CDKAL1: variants seen among roughly 807,000 people sequenced by gnomAD.
CDKAL1 encodes the protein CDKAL1 threonylcarbamoyladenosine tRNA methylthiotransferase.
Under a neutral mutation model 68.2 loss-of-function variants are expected in CDKAL1, and 32 were observed. The ratio of observed to expected loss-of-function variants is 0.47; its 90% confidence interval spans 0.35 to 0.63. CDKAL1 has a LOEUF of 0.63. CDKAL1 is among the 30% of genes least tolerant of loss of function. The pLI, the probability that CDKAL1 is intolerant of heterozygous loss-of-function variation, is 0.00. For synonymous variants in CDKAL1, 234 were observed against 244.3 expected, an observed-to-expected ratio of 0.96 and a Z score of 0.39; for missense variants, 606 against 696.7, an observed-to-expected ratio of 0.87 and a Z score of 1.47.
chr6:20,693,156 A>G (rs1377233175), intron 5 of CDKAL1, among the ~76,000 whole-genome samples: 1 of 143,426 alleles, frequency 7.0e-6, no homozygotes, highest in Non-Finnish European at 1.5e-5. Flanking sequence ...AAAAAAAAAA[A>G]AGACAGTTGG....
At chr6:20,942,215 A>G (rs1764002782) in intron 9 of CDKAL1, among the ~76,000 whole-genome samples, 2 of 152,132 alleles carry the variant, frequency 1.3e-5, no homozygotes, top group Admixed American at 1.3e-4. Flanking sequence ...TCTACGTTCA[A>G]ATAATATTTT....
At chr6:20,848,332 G>C (rs1262266235) in intron 9 of CDKAL1, among the ~76,000 whole-genome samples, 4 of 149,928 alleles carry the variant, frequency 2.7e-5, no homozygotes, top group Non-Finnish European at 5.9e-5. Context: ...ATTGGCCTTA[G>C]GTTCCCTGCC....
At chr6:20,833,396 TAAAC>T (rs1364786280) in intron 8 of CDKAL1, among the ~76,000 whole-genome samples, 1 of 152,146 alleles carries the variant, frequency 6.6e-6, no homozygotes, top group Non-Finnish European at 1.5e-5. Flanking sequence ...AACTTGCTCT[TAAAC>T]AAACCATCCT....
At chr6:20,881,873 A>G (rs1269086860) in intron 9 of CDKAL1, among the ~76,000 whole-genome samples, 1 of 152,172 alleles carries the variant, frequency 6.6e-6, no homozygotes, top group African/African-American at 2.4e-5. Context: ...CACTGCTGCA[A>G]TCAAGATACA....
intron 8 of CDKAL1, among the ~76,000 whole-genome samples, chr6:20,827,019 A>G (rs1224664852): frequency 4.6e-5 from 7 of 152,172 alleles, no homozygotes; most frequent in Non-Finnish European, 2.9e-5. Context: ...CATAGTTAAA[A>G]ACAAACAAAA....
intron 11 of CDKAL1, among the ~76,000 whole-genome samples, chr6:21,004,915 T>C (rs79915874): frequency 0.18 from 26,911 of 152,164 alleles, 2,723 homozygotes; most frequent in Admixed American, 0.25. Context: ...TGAGCTATGA[T>C]CATGCTGCTG....
intron 8 of CDKAL1, among the ~76,000 whole-genome samples, chr6:20,830,765 G>T (rs1488422008): frequency 3.9e-5 from 6 of 152,056 alleles, no homozygotes; most frequent in African/African-American, 1.4e-4. Flanking sequence ...GTTGTCTTTG[G>T]CAAGGAAAAG....
intron 15 of CDKAL1, among the ~76,000 whole-genome samples, chr6:21,205,864 T>TCG (rs1264986296): frequency 8.9e-5 from 10 of 112,728 alleles, no homozygotes; most frequent in Admixed American, 4.2e-4. Flanking sequence ...AGACAGAGTC[T>TCG]TGCTCTGTCG....
chr6:20,988,098 T>A (rs1766574680), intron 10 of CDKAL1, among the ~76,000 whole-genome samples: 1 of 152,068 alleles, frequency 6.6e-6, no homozygotes, highest in South Asian at 2.1e-4. Context: ...CATATCATTT[T>A]AAACATCTCT....
At chr6:21,136,995 G>T (rs552601667) in intron 13 of CDKAL1, among the ~76,000 whole-genome samples, 1 of 151,982 alleles carries the variant, frequency 6.6e-6, no homozygotes, top group Non-Finnish European at 1.5e-5. Flanking sequence ...TGACAGCCCC[G>T]ACCAGCGTCT....
At chr6:20,903,704 G>A in intron 9 of CDKAL1, among the ~76,000 whole-genome samples, 1 of 152,312 alleles carries the variant, frequency 6.6e-6, no homozygotes, top group Non-Finnish European at 1.5e-5. Flanking sequence ...TGAAGCCCAT[G>A]TGCATTTGTA....
chr6:21,105,614 C>T (rs1389972898), intron 12 of CDKAL1, among the ~76,000 whole-genome samples: 3 of 152,082 alleles, frequency 2.0e-5, no homozygotes, highest in East Asian at 3.9e-4. Flanking sequence ...CGGGGGTATG[C>T]GGCATTGGGG....
chr6:20,990,577 G>T (rs57793788), intron 10 of CDKAL1, among the ~76,000 whole-genome samples: 6,708 of 152,306 alleles, frequency 0.044, 475 homozygotes, highest in African/African-American at 0.15. Flanking sequence ...ATTAGAATCT[G>T]TTCACAATAT....
intron 8 of CDKAL1, among the ~76,000 whole-genome samples, chr6:20,837,937 T>TGTGTG (rs1778015258): frequency 1.1e-4 from 13 of 123,176 alleles, no homozygotes; most frequent in Non-Finnish European, 1.9e-4. Flanking sequence ...TGGGAAGAAA[T>TGTGTG]TGTGTGTGTG....
intron 4 of CDKAL1, among the ~76,000 whole-genome samples, chr6:20,614,449 T>A (rs9348439): frequency 0.28 from 42,646 of 152,042 alleles, 6,507 homozygotes; most frequent in East Asian, 0.53. Flanking sequence ...TTTCTCCTGA[T>A]ACCATTTATT....
chr6:20,737,583 A>AACATCATTAGCCATTT (rs1245366419), intron 5 of CDKAL1, among the ~76,000 whole-genome samples: 2 of 151,450 alleles, frequency 1.3e-5, no homozygotes, highest in African/African-American at 4.8e-5. Context: ...GTCTTTGTAT[A>AACATCATTAGCCATTT]CATGGCTAAT....
intron 6 of CDKAL1, among the ~76,000 whole-genome samples, chr6:20,740,577 A>T (rs930135247): frequency 6.6e-6 from 1 of 152,214 alleles, no homozygotes; most frequent in Non-Finnish European, 1.5e-5. Context: ...ATGTAAAAAC[A>T]TCATATGCTC....
intron 8 of CDKAL1, among the ~76,000 whole-genome samples, chr6:20,831,730 G>T (rs901249423): frequency 1.3e-5 from 2 of 152,136 alleles, no homozygotes; most frequent in Non-Finnish European, 2.9e-5. Context: ...GAAATGGTTT[G>T]TTGTTGTTGC....
chr6:20,782,420 C>A (rs1208800992), intron 8 of CDKAL1, among the ~76,000 whole-genome samples: 1 of 152,178 alleles, frequency 6.6e-6, no homozygotes, highest in South Asian at 2.1e-4. Context: ...TGGAGTACCT[C>A]ACATATTCAT....
Sources: allele counts gnomAD v4.1 joint callset (sites outside exome capture counted in the v4.1 genomes callset), GRCh38; gene constraint gnomAD v4.1.1; transcripts MANE v1.5; gene names NCBI Gene and HGNC (gene_info 2026-07-23, HGNC 2026-07-21).